SLC8A3: variants seen among roughly 807,000 people sequenced by gnomAD.
SLC8A3 encodes the protein solute carrier family 8 member A3, also known as sodium/calcium exchanger 3.
Under a neutral mutation model 65.4 loss-of-function variants are expected in SLC8A3, and 37 were observed. The ratio of observed to expected loss-of-function variants is 0.57; its 90% CI spans 0.44 to 0.74. The LOEUF (loss-of-function observed/expected upper bound fraction) is 0.74. Ranked by LOEUF, SLC8A3 falls within the 30% of genes least tolerant of loss-of-function variation. The pLI is 0.00. For missense variants in SLC8A3, 1,112 were observed against 1,172.1 expected (o/e 0.95, Z 0.75); for synonymous variants, 461 against 444.5 (o/e 1.04, Z -0.47).
Position 70,077,400 on chromosome 14 carries a change from C to T in SLC8A3, c.1785-16461G>A, listed in dbSNP as rs148345033. On this transcript the variant is annotated intron_variant, in intron 2 of 6. Coordinates refer to ENST00000356921, the MANE Select transcript of SLC8A3 (RefSeq NM_182932.3). ...TGAATGCCTTTTCAGGGTAACATTC[C>T]CTGTTAATCCAACACTGCTCTTTGG... Among the ~76,000 whole-genome samples the T allele has an allele frequency of 3.5e-3, 535 of 152,220 alleles. 3 individuals carry two copies. Among genetic ancestry groups the T allele is most frequent in the African/African-American group, 0.012 (505 of 41,524 alleles).
intron 2 of SLC8A3, among the ~76,000 whole-genome samples, chr14:70,106,309 T>C (rs1892868897): frequency 6.6e-6 from 1 of 152,282 alleles, no homozygotes; most frequent in South Asian, 2.1e-4. Flanking sequence ...AACCCCTTTG[T>C]GCTAATATTC....
Position 70,116,135 on chromosome 14 carries a change from C to T in SLC8A3, c.1784+50504G>A, listed in dbSNP as rs148400059. On this transcript the variant is annotated intron_variant, in intron 2 of 6. Transcript: ENST00000356921. ...AGTGCTGAAAGCTCAGAGAGGGGGT[C>T]ATAGACTTTGAACTTGGATGTAGCC... Among the ~76,000 whole-genome samples, 2 of 152,228 alleles carry T rather than the reference C, an allele frequency of 1.3e-5. 1 individual carries two copies. The highest frequency in any genetic ancestry group is 3.9e-4 in the East Asian group (2 of 5,180).
At chr14:70,061,106 T>C (rs1393122131) in intron 2 of SLC8A3, among the ~76,000 whole-genome samples, 167 bp from the exon 3 acceptor site, 1 of 152,122 alleles carries the variant, frequency 6.6e-6, no homozygotes, top group African/African-American at 2.4e-5. Context: ...TCTCAGGTAA[T>C]AAATGGTCTT....
At chr14:70,077,942 A>T (rs1890687422) in intron 2 of SLC8A3, among the ~76,000 whole-genome samples, 1 of 152,224 alleles carries the variant, frequency 6.6e-6, no homozygotes, top group Non-Finnish European at 1.5e-5. Flanking sequence ...ACTCATTTCA[A>T]GCAGGACATT....
chr14:70,125,173 T>C (rs1894356952), intron 2 of SLC8A3, among the ~76,000 whole-genome samples: 1 of 152,214 alleles, frequency 6.6e-6, no homozygotes, highest in Admixed American at 6.5e-5. Flanking sequence ...CTTTTATTTA[T>C]TTATTTTTAT....
intron 2 of SLC8A3, among the ~76,000 whole-genome samples, chr14:70,128,949 T>C (rs1894653660): frequency 6.6e-6 from 1 of 152,216 alleles, no homozygotes; most frequent in Admixed American, 6.5e-5. Context: ...TAGTTATGGG[T>C]ATGATAGCTG....
chr14:70,149,267 T>C (rs762219992), intron 2 of SLC8A3, among the ~76,000 whole-genome samples: 42 of 152,142 alleles, frequency 2.8e-4, no homozygotes, highest in Non-Finnish European at 5.0e-4. Flanking sequence ...AAAGCCCTGA[T>C]TGGGAAAAGC....
chr14:70,122,224 C>T (rs1894120042), intron 2 of SLC8A3, among the ~76,000 whole-genome samples: 1 of 152,164 alleles, frequency 6.6e-6, no homozygotes, highest in Non-Finnish European at 1.5e-5. Flanking sequence ...TTTATTGCTC[C>T]CACTCCCACA....
intron 3 of SLC8A3, chr14:70,055,793 T>C (rs372427612): frequency 6.2e-7 from 1 of 1,610,256 alleles, no homozygotes; most frequent in Non-Finnish European, 8.5e-7. Context: ...AGACACCTCT[T>C]ACCTGGAGAT....
intron 2 of SLC8A3, among the ~76,000 whole-genome samples, chr14:70,132,588 C>CA (rs1894913806): frequency 6.6e-6 from 1 of 152,062 alleles, no homozygotes; most frequent in Non-Finnish European, 1.5e-5. Flanking sequence ...GCTCAGGAGG[C>CA]AAATGTGGAT....
intron 2 of SLC8A3, among the ~76,000 whole-genome samples, chr14:70,158,695 A>T (rs1393113674): frequency 3.3e-5 from 5 of 152,220 alleles, no homozygotes; most frequent in Non-Finnish European, 7.3e-5. Flanking sequence ...TGGTTCCAAA[A>T]TGACAACTGA....
intron 2 of SLC8A3, among the ~76,000 whole-genome samples, chr14:70,083,671 C>T (rs1282535765): frequency 6.6e-6 from 1 of 152,142 alleles, no homozygotes. Context: ...TCTTAACAGC[C>T]CAGTGAAGTC....
At chr14:70,140,332 C>T (rs779070063) in intron 2 of SLC8A3, among the ~76,000 whole-genome samples, 6 of 152,106 alleles carry the variant, frequency 3.9e-5, no homozygotes, top group South Asian at 2.1e-4. Flanking sequence ...ACACTTACAG[C>T]GGCCATATAA....
chr14:70,087,448 G>A (rs541890727), intron 2 of SLC8A3, among the ~76,000 whole-genome samples: 11 of 152,254 alleles, frequency 7.2e-5, no homozygotes, highest in African/African-American at 2.4e-4. Flanking sequence ...AATGGCTACC[G>A]GGACTTGTGT....
chr14:70,148,661 T>C (rs553960804), intron 2 of SLC8A3, among the ~76,000 whole-genome samples: 1 of 152,210 alleles, frequency 6.6e-6, no homozygotes, highest in African/African-American at 2.4e-5. Context: ...GGGTCCCTCA[T>C]GTTGAATGAA....
intron 2 of SLC8A3, among the ~76,000 whole-genome samples, chr14:70,096,057 T>A (rs1046167122): frequency 6.6e-6 from 1 of 152,110 alleles, no homozygotes; most frequent in Non-Finnish European, 1.5e-5. Flanking sequence ...AATTTTTGTA[T>A]TTTTAGTAAA....
chr14:70,062,235 G>A (rs958752771), intron 2 of SLC8A3, among the ~76,000 whole-genome samples: 5 of 152,182 alleles, frequency 3.3e-5, no homozygotes, highest in Admixed American at 6.5e-5. Context: ...GGGCGTGCTC[G>A]GCTTTGCCAT....
At chr14:70,169,367 G>GT (rs1419459916) in intron 1 of SLC8A3, among the ~76,000 whole-genome samples, 1 of 152,182 alleles carries the variant, frequency 6.6e-6, no homozygotes, top group Admixed American at 6.5e-5. Context: ...CTTATGAGCA[G>GT]TTTAAGCAGG....
At chr14:70,071,636 C>G (rs1890025428) in intron 2 of SLC8A3, among the ~76,000 whole-genome samples, 1 of 152,150 alleles carries the variant, frequency 6.6e-6, no homozygotes, top group African/African-American at 2.4e-5. Context: ...AGATAAGATC[C>G]CAGCCTGGCC....
Sources: gnomAD v4.1 joint callset for allele counts (sites outside exome capture counted in the v4.1 genomes callset) on GRCh38, gnomAD v4.1.1 for gene constraint, MANE v1.5 for transcripts, NCBI Gene and HGNC (gene_info 2026-07-23, HGNC 2026-07-21) for gene names.